The following PDE8B variants were observed in gnomAD, a reference collection of about 807,000 sequenced individuals.
PDE8B encodes the protein phosphodiesterase 8B.
Under a neutral mutation model 101.3 loss-of-function variants are expected in PDE8B, and 26 were observed. The observed-to-expected ratio is 0.26, with a 90% confidence interval of 0.19 to 0.36. PDE8B has a LOEUF of 0.36. Among genes scored for constraint, PDE8B ranks in the 10% least tolerant of loss-of-function variants. The pLI is 1.00. For missense variants in PDE8B, 810 were observed against 1,163.1 expected (o/e 0.70, Z 4.42); for synonymous variants, 424 against 429.3 (o/e 0.99, Z 0.15).
chr5:77,414,647 G>C (rs924744118), intron 17 of PDE8B, among the ~76,000 whole-genome samples: 9 of 151,254 alleles, frequency 6.0e-5, no homozygotes, highest in African/African-American at 2.2e-4. Flanking sequence ...GGCCAGGATG[G>C]TCTCAATCTC....
chr5:77,226,631 TTATC>T (rs1212131415), intron 1 of PDE8B, among the ~76,000 whole-genome samples: 2 of 152,236 alleles, frequency 1.3e-5, no homozygotes, highest in Non-Finnish European at 2.9e-5. Flanking sequence ...AAGAATATAT[TTATC>T]TATCCAGAGC....
intron 10 of PDE8B, among the ~76,000 whole-genome samples, chr5:77,369,260 C>T (rs1325065550): frequency 1.6e-5 from 2 of 128,326 alleles, no homozygotes; most frequent in East Asian, 4.7e-4. Flanking sequence ...TTGATCAAAA[C>T]ATTAACCAGA....
chr5:77,326,249 G>T (rs560390126), intron 3 of PDE8B, among the ~76,000 whole-genome samples: 6 of 152,148 alleles, frequency 3.9e-5, no homozygotes, highest in Non-Finnish European at 5.9e-5. Flanking sequence ...CTTGTTTATA[G>T]AAATGCTTGC....
intron 1 of PDE8B, among the ~76,000 whole-genome samples, chr5:77,281,902 G>A (rs1266081717): frequency 1.3e-5 from 2 of 152,150 alleles, no homozygotes; most frequent in Non-Finnish European, 2.9e-5. Flanking sequence ...TGGACTACCT[G>A]GTATATGGGA....
chr5:77,126,987 T>A, the PDE8B span, among the ~76,000 whole-genome samples: 1 of 152,206 alleles, frequency 6.6e-6, no homozygotes, highest in East Asian at 1.9e-4. Context: ...TGCAGTGTAT[T>A]GCTACAGGTA....
At chr5:77,183,548 G>C in the PDE8B span, among the ~76,000 whole-genome samples, 1 of 152,210 alleles carries the variant, frequency 6.6e-6, no homozygotes, top group East Asian at 1.9e-4. Flanking sequence ...ATGCAAGAAG[G>C]AAGAAAAGGG....
chr5:77,184,380 A>T, the PDE8B span, among the ~76,000 whole-genome samples: 2 of 152,336 alleles, frequency 1.3e-5, no homozygotes, highest in Middle Eastern at 6.8e-3. Flanking sequence ...TAAATCATTT[A>T]ATCTGAGAGG....
intron 1 of PDE8B, among the ~76,000 whole-genome samples, chr5:77,215,721 C>T (rs1204369937): frequency 6.6e-6 from 1 of 152,066 alleles, no homozygotes; most frequent in Non-Finnish European, 1.5e-5. Context: ...CTAAACTGGT[C>T]ATGGGTAAAG....
At chr5:77,230,718 T>C (rs960050471) in intron 1 of PDE8B, among the ~76,000 whole-genome samples, 1 of 152,178 alleles carries the variant, frequency 6.6e-6, no homozygotes, top group Non-Finnish European at 1.5e-5. Flanking sequence ...GTGCTGGGAT[T>C]ACAGGCATGA....
Position 77,350,756 on chromosome 5 carries a change from TGAGA to T in PDE8B, c.1018-304_1018-301del, listed in dbSNP as rs1352758099. Among the ~76,000 whole-genome samples the T allele has an allele frequency of 2.6e-5, 4 of 152,346 alleles. No individual in the cohort carries two copies. In the East Asian group the frequency reaches 7.7e-4, roughly 29 times the overall value. On this transcript the variant is annotated intron_variant, in intron 8 of 21. Transcript: ENST00000264917. ...AGTTCACAGATTGCTGTGAAGATTT[TGAGA>T]GAGACCTCCAAAGAATCCCTTGACC...
At chr5:77,377,638 G>T (rs1299992466) in intron 10 of PDE8B, among the ~76,000 whole-genome samples, 2 of 152,154 alleles carry the variant, frequency 1.3e-5, no homozygotes, top group Non-Finnish European at 2.9e-5. Context: ...GTAAAACCTT[G>T]TTTATGGGAA....
At chr5:77,201,061 G>A in the PDE8B span, among the ~76,000 whole-genome samples, 1 of 152,224 alleles carries the variant, frequency 6.6e-6, no homozygotes, top group African/African-American at 2.4e-5. Flanking sequence ...TACTAAAGAA[G>A]CAGGGCCTTC....
At position 77,256,895 on chromosome 5, in the gene PDE8B, A is replaced by G. The variant is rs1043913363; in HGVS notation, c.339+45631A>G. On this transcript the variant is annotated intron_variant, in intron 1 of 21. Coordinates refer to ENST00000264917, the MANE Select transcript of PDE8B (RefSeq NM_003719.5). ...TTTACCAGAATGCTTTTTCTTGATT[A>G]TTTTGTTTAACTGGTATTTTGCTTA... Among the ~76,000 whole-genome samples, 5 of 152,266 alleles carry G rather than the reference A, an allele frequency of 3.3e-5. No individual in the cohort carries two copies. The South Asian group carries it at 1.0e-3, about 32-fold the overall frequency.
At chr5:77,292,010 A>C (rs367868902) in intron 1 of PDE8B, among the ~76,000 whole-genome samples, 37 of 152,248 alleles carry the variant, frequency 2.4e-4, no homozygotes, top group African/African-American at 6.7e-4. Context: ...AAAAAAAAAA[A>C]AACCATTTAC....
At chr5:77,135,525 G>C in the PDE8B span, among the ~76,000 whole-genome samples, 1 of 141,914 alleles carries the variant, frequency 7.0e-6, no homozygotes, top group Non-Finnish European at 1.5e-5. Flanking sequence ...GGCCCAGGCT[G>C]GAGTGCAGTG....
the PDE8B span, among the ~76,000 whole-genome samples, chr5:77,101,057 C>T: frequency 6.2e-4 from 92 of 147,460 alleles, no homozygotes; most frequent in African/African-American, 2.2e-3. Context: ...GCAGCCTCAT[C>T]CTCCTGGGCT....
chr5:77,374,822 C>G (rs145145413), intron 10 of PDE8B, among the ~76,000 whole-genome samples: 279 of 152,302 alleles, frequency 1.8e-3, no homozygotes, highest in African/African-American at 6.3e-3. Context: ...GCAGCATACA[C>G]GCTTGTTCTG....
the PDE8B span, among the ~76,000 whole-genome samples, chr5:77,203,936 A>G: frequency 2.6e-5 from 4 of 152,056 alleles, no homozygotes; most frequent in African/African-American, 9.7e-5. Flanking sequence ...AAAATTGCCC[A>G]TGAGACATTT....
the PDE8B span, among the ~76,000 whole-genome samples, chr5:77,187,114 G>A: frequency 3.9e-5 from 6 of 152,190 alleles, no homozygotes; most frequent in Non-Finnish European, 8.8e-5. Flanking sequence ...TGAAGTAGGT[G>A]CATGGTTGAT....
Sources: gnomAD v4.1 joint callset for allele counts (sites outside exome capture counted in the v4.1 genomes callset) on GRCh38, gnomAD v4.1.1 for gene constraint, MANE v1.5 for transcripts, NCBI Gene and HGNC (gene_info 2026-07-23, HGNC 2026-07-21) for gene names.